INO80: variants seen among roughly 807,000 people sequenced by gnomAD.
INO80 encodes INO80 complex ATPase subunit.
In INO80, 20 loss-of-function variants were observed where a neutral mutation model predicts 203.4. The ratio of observed to expected loss-of-function variants is 0.10; its 90% CI spans 0.07 to 0.14. The LOEUF is 0.14. Ranked by LOEUF, INO80 falls within the 10% of genes least tolerant of loss-of-function variation. The probability of loss-of-function intolerance (pLI) is 1.00; values close to 1 mark genes in which losing one functional copy is unlikely to be tolerated. For synonymous variants in INO80, 726 were observed against 685.2 expected (o/e 1.06, Z -0.93); for missense variants, 1,419 against 1,914.4 (o/e 0.74, Z 4.83).
chr15:41,096,019 C>A, intron 2 of INO80, 91 bp from the exon 3 acceptor site: 1 of 1,419,462 alleles, frequency 7.0e-7, no homozygotes, highest in Non-Finnish European at 9.5e-7. Context: ...AGAAACTGTT[C>A]CTCTGAAATA....
chr15:41,049,139 A>C, intron 21 of INO80, 148 bp downstream of exon 21: 3 of 636,108 alleles, frequency 4.7e-6, no homozygotes, highest in Non-Finnish European at 7.6e-6. Flanking sequence ...AATTCCTTCC[A>C]TAAGATCCCT....
chr15:41,081,417 C>A (rs992415050), intron 7 of INO80, among the ~76,000 whole-genome samples: 1 of 152,068 alleles, frequency 6.6e-6, no homozygotes, highest in African/African-American at 2.4e-5. Flanking sequence ...CTTACCAGGG[C>A]CAATCTGCAA....
intron 7 of INO80, among the ~76,000 whole-genome samples, chr15:41,082,250 C>CAAA (rs60486605): frequency 1.6e-4 from 9 of 54,680 alleles, no homozygotes; most frequent in African/African-American, 4.0e-4. Context: ...AACTCCGTCT[C>CAAA]AAAAAAAAAA....
intron 27 of INO80, among the ~76,000 whole-genome samples, chr15:41,007,982 T>TGGCCAACA (rs1374024410): frequency 6.6e-6 from 1 of 152,128 alleles, no homozygotes; most frequent in Non-Finnish European, 1.5e-5. Flanking sequence ...GAGACAAGCC[T>TGGCCAACA]GGCCAACATG....
chr15:40,990,797 A>G (rs1002321227), intron 29 of INO80, among the ~76,000 whole-genome samples: 37 of 152,220 alleles, frequency 2.4e-4, no homozygotes, highest in African/African-American at 7.0e-4. Context: ...CAGAGCTAAC[A>G]AAAGTGAAGA....
At chr15:41,092,237 A>G (rs921763006) in intron 4 of INO80, 55 bp from the exon 5 acceptor site, 73 of 1,445,008 alleles carry the variant, frequency 5.1e-5, no homozygotes, top group Non-Finnish European at 6.8e-5. Context: ...TCCCATTTAT[A>G]ATCCAAGCAT....
intron 28 of INO80, 77 bp downstream of exon 28, chr15:41,005,513 TAAA>T (rs76845507): frequency 2.3e-4 from 133 of 574,126 alleles, no homozygotes; most frequent in South Asian, 3.7e-4. Context: ...TCCTGGCATT[TAAA>T]AAAAAAAAAA....
At chr15:41,077,036 T>G (rs138029859) in intron 9 of INO80, among the ~76,000 whole-genome samples, 87 of 152,018 alleles carry the variant, frequency 5.7e-4, no homozygotes, top group African/African-American at 2.0e-3. Context: ...GCCTCCCGAG[T>G]AGCTAGGACT....
intron 24 of INO80, among the ~76,000 whole-genome samples, chr15:41,035,544 G>A (rs1293679436): frequency 1.3e-5 from 2 of 151,474 alleles, no homozygotes; most frequent in Non-Finnish European, 2.9e-5. Flanking sequence ...AAAAAAGACC[G>A]GGCGCGGTGG....
intron 25 of INO80, among the ~76,000 whole-genome samples, chr15:41,026,755 C>G (rs2044381090): frequency 6.6e-6 from 1 of 152,120 alleles, no homozygotes. Context: ...TGGCTCTAAC[C>G]ACAGAACCTG....
At chr15:41,044,873 G>A in intron 24 of INO80, 31 bp downstream of exon 24, 1 of 1,563,418 alleles carries the variant, frequency 6.4e-7, no homozygotes, top group Non-Finnish European at 8.6e-7. Flanking sequence ...AAGATACTAA[G>A]TAGGTAATTT....
At chr15:41,044,652 T>C (rs796533412) in intron 24 of INO80, among the ~76,000 whole-genome samples, 41 of 152,252 alleles carry the variant, frequency 2.7e-4, no homozygotes, top group African/African-American at 9.9e-4. Context: ...CATATATAAA[T>C]TCACAGAGCT....
chr15:41,071,501 C>T (rs946868281), intron 12 of INO80, among the ~76,000 whole-genome samples: 1 of 134,240 alleles, frequency 7.4e-6, no homozygotes, highest in Non-Finnish European at 1.5e-5. Flanking sequence ...GTTGCCCAGG[C>T]TACAGTGCAA....
chr15:41,014,310 A>C (rs1027186859), intron 27 of INO80, among the ~76,000 whole-genome samples: 3 of 152,090 alleles, frequency 2.0e-5, no homozygotes, highest in African/African-American at 7.2e-5. Flanking sequence ...CTTTTTCTTT[A>C]ATTGTTAGCA....
Position 41,005,546 on chromosome 15 carries a change from T to C in INO80, c.3497+47A>G, listed in dbSNP as rs367799240. 17 of 979,812 alleles carry C rather than the reference T, an allele frequency of 1.7e-5. No individual in the cohort carries two copies. In the African/African-American group the frequency reaches 2.1e-4, roughly 12 times the overall value. 60.7% of individuals were successfully genotyped at this position (979,812 alleles called of 1,614,324 possible). On this transcript the variant is annotated intron_variant, in intron 28 of 35. Coordinates refer to ENST00000648947, the MANE Select transcript of INO80 (RefSeq NM_017553.3). ...AAAAAAAACTTACCATTTCAAGCAC[T>C]AGAGGGAAATTAAAAAGATAATTTT...
At chr15:41,027,544 T>C in intron 25 of INO80, 52 bp downstream of exon 25, 27 of 1,480,480 alleles carry the variant, frequency 1.8e-5, no homozygotes, top group Non-Finnish European at 2.4e-5. Context: ...TAAAAATTGG[T>C]TTATTTCTCC....
chr15:41,055,447 G>A (rs897799952), intron 17 of INO80, 83 bp from the exon 18 acceptor site: 5 of 824,148 alleles, frequency 6.1e-6, no homozygotes, highest in Non-Finnish European at 9.5e-6. Context: ...GAAAATTGCA[G>A]GTGTATTAGT....
chr15:41,021,982 T>C (rs2044301259), intron 25 of INO80, among the ~76,000 whole-genome samples: 1 of 152,206 alleles, frequency 6.6e-6, no homozygotes, highest in Non-Finnish European at 1.5e-5. Context: ...AAGGCTAGCT[T>C]TTGTTAAAAT....
At chr15:41,040,376 G>C (rs1312015409) in intron 24 of INO80, among the ~76,000 whole-genome samples, 1 of 152,266 alleles carries the variant, frequency 6.6e-6, no homozygotes, top group South Asian at 2.1e-4. Flanking sequence ...TTCAAGGATA[G>C]TCAAATGGGT....
Sources: gnomAD v4.1 joint callset for allele counts (sites outside exome capture counted in the v4.1 genomes callset) on GRCh38, gnomAD v4.1.1 for gene constraint, MANE v1.5 for transcripts, NCBI Gene and HGNC (gene_info 2026-07-23, HGNC 2026-07-21) for gene names.